Variants in DPP10 observed in about 807,000 individuals in gnomAD.
The protein encoded by DPP10 is dipeptidyl peptidase like 10, also known as inactive dipeptidyl peptidase 10.
Under a neutral mutation model 120.9 loss-of-function variants are expected in DPP10, and 33 were observed. The observed-to-expected ratio is 0.27, with a 90% CI of 0.21 to 0.37. The LOEUF is 0.37. Ranked by LOEUF, DPP10 falls within the 10% of genes least tolerant of loss-of-function variation. The pLI is 1.00. For synonymous variants in DPP10, 337 were observed against 326.1 expected (o/e 1.03, Z -0.36); for missense variants, 816 against 942.8 (o/e 0.87, Z 1.76).
intron 1 of DPP10, among the ~76,000 whole-genome samples, chr2:115,137,951 T>C (rs1252067396): frequency 1.3e-5 from 2 of 152,084 alleles, no homozygotes; most frequent in Admixed American, 6.5e-5. Context: ...GTCATCAGCA[T>C]AAAGACAGAG....
At chr2:114,832,946 A>C (rs1574296430) in intron 1 of DPP10, among the ~76,000 whole-genome samples, 1 of 152,214 alleles carries the variant, frequency 6.6e-6, no homozygotes. Context: ...ATATGTATGC[A>C]TGCATCTGTG....
chr2:114,796,591 A>G (rs1683739186), intron 1 of DPP10, among the ~76,000 whole-genome samples: 1 of 152,130 alleles, frequency 6.6e-6, no homozygotes, highest in African/African-American at 2.4e-5. Context: ...TTGTACTCAG[A>G]TTTTTGACTG....
At chr2:115,155,469 G>A (rs1039591543) in intron 1 of DPP10, among the ~76,000 whole-genome samples, 1 of 152,146 alleles carries the variant, frequency 6.6e-6, no homozygotes, top group Admixed American at 6.5e-5. Context: ...TATTAACTAA[G>A]ATTAAACACT....
intron 1 of DPP10, among the ~76,000 whole-genome samples, chr2:114,570,373 G>A (rs1442736682): frequency 6.6e-6 from 1 of 152,098 alleles, no homozygotes; most frequent in African/African-American, 2.4e-5. Context: ...CAATATCACC[G>A]TGGGGCCCCC....
intron 1 of DPP10, among the ~76,000 whole-genome samples, chr2:115,195,740 G>T (rs1337816280): frequency 1.3e-5 from 2 of 152,160 alleles, no homozygotes; most frequent in African/African-American, 4.8e-5. Flanking sequence ...AGCTGCCTCT[G>T]CCTTGGTTTT....
chr2:114,697,511 G>C (rs1313059851), intron 1 of DPP10, among the ~76,000 whole-genome samples: 1 of 151,968 alleles, frequency 6.6e-6, no homozygotes, highest in East Asian at 1.9e-4. Flanking sequence ...AGCACTTTGG[G>C]AGGCCGAGGA....
At chr2:115,594,881 G>T (rs2082895291) in intron 5 of DPP10, among the ~76,000 whole-genome samples, 1 of 151,972 alleles carries the variant, frequency 6.6e-6, no homozygotes, top group Admixed American at 6.6e-5. Context: ...AGACATATCA[G>T]AATTATAGAA....
chr2:114,800,209 A>T (rs1254345299), intron 1 of DPP10, among the ~76,000 whole-genome samples: 1 of 152,232 alleles, frequency 6.6e-6, no homozygotes, highest in African/African-American at 2.4e-5. Context: ...GTGAAAGGGA[A>T]ACATCCATAA....
chr2:115,782,461 T>C, intron 17 of DPP10, 62 bp downstream of exon 17: 1 of 1,463,282 alleles, frequency 6.8e-7, no homozygotes, highest in African/African-American at 1.4e-5. Context: ...GACATCGTGT[T>C]ATCTATTCTG....
At chr2:114,519,631 T>C (rs758260224) in intron 1 of DPP10, among the ~76,000 whole-genome samples, 2 of 152,222 alleles carry the variant, frequency 1.3e-5, no homozygotes, top group Admixed American at 6.5e-5. Flanking sequence ...TTGCATTCTA[T>C]AGGAAAATAG....
intron 5 of DPP10, among the ~76,000 whole-genome samples, chr2:115,644,553 T>C (rs1465436413): frequency 6.6e-6 from 1 of 152,004 alleles, no homozygotes; most frequent in Non-Finnish European, 1.5e-5. Flanking sequence ...GGAGGATTAC[T>C]TGAGGCTAGG....
In DPP10 at chr2:114,793,776, T is replaced by C. The variant is rs563135718; in HGVS notation, c.60+350938T>C. Among the ~76,000 whole-genome samples, 21 of 152,310 alleles carry C rather than the reference T, an allele frequency of 1.4e-4. 1 individual carries two copies. The South Asian group carries it at 4.1e-3, about 30-fold the overall frequency. On this transcript the variant is annotated intron_variant, in intron 1 of 25. Coordinates refer to ENST00000410059, the MANE Select transcript of DPP10 (RefSeq NM_020868.6). ...GCATGCGGAGACTTCCTCTATCCAT[T>C]TCTTATACCATGTTGACCCCCTCAT...
chr2:115,227,502 A>G lies in DPP10; in HGVS notation c.61-81737A>G, dbSNP rs372535323. The stretch of plus-strand genomic sequence containing the variant: ...TGAACAGTTCTGAGTTTTGGCAGCT[A>G]TATATATCTGCTGCCACTATTAGGA... On this transcript the variant is annotated intron_variant, in intron 1 of 25. Coordinates refer to ENST00000410059, the MANE Select transcript of DPP10 (RefSeq NM_020868.6). 1.2e-4 allele frequency among the ~76,000 whole-genome samples: 18 copies of G among 152,270 alleles called. No individual in the cohort carries two copies. The East Asian group carries it at 2.9e-3, about 24-fold the overall frequency.
intron 4 of DPP10, among the ~76,000 whole-genome samples, chr2:115,516,325 A>G (rs1490902569): frequency 2.0e-5 from 3 of 152,066 alleles, no homozygotes; most frequent in South Asian, 2.1e-4. Context: ...TCTTTCCCCA[A>G]CTAAGCAGAA....
chr2:114,988,034 G>A (rs569101208), intron 1 of DPP10, among the ~76,000 whole-genome samples: 10 of 152,016 alleles, frequency 6.6e-5, no homozygotes, highest in Non-Finnish European at 1.3e-4. Context: ...TCGATCTCCT[G>A]ACCTCGTGAT....
At chr2:114,701,595 G>T (rs1700386443) in intron 1 of DPP10, among the ~76,000 whole-genome samples, 2 of 152,098 alleles carry the variant, frequency 1.3e-5, no homozygotes, top group South Asian at 2.1e-4. Context: ...AACTACATTT[G>T]CCTAAAAAGT....
chr2:115,116,485 T>G (rs747192975), intron 1 of DPP10, among the ~76,000 whole-genome samples: 1 of 152,224 alleles, frequency 6.6e-6, no homozygotes, highest in African/African-American at 2.4e-5. Context: ...AGGTCTGCCA[T>G]GATCCTAATC....
chr2:115,565,419 C>G (rs553791135), intron 5 of DPP10, among the ~76,000 whole-genome samples: 1 of 152,016 alleles, frequency 6.6e-6, no homozygotes, highest in Non-Finnish European at 1.5e-5. Flanking sequence ...GTTTATTTAT[C>G]AATGGCATTC....
At chr2:115,217,597 C>T (rs2056906945) in intron 1 of DPP10, among the ~76,000 whole-genome samples, 1 of 152,096 alleles carries the variant, frequency 6.6e-6, no homozygotes, top group South Asian at 2.1e-4. Context: ...TTACAAAATG[C>T]CACCAGTGGG....
Sources: allele counts gnomAD v4.1 joint callset (sites outside exome capture counted in the v4.1 genomes callset), GRCh38; gene constraint gnomAD v4.1.1; transcripts MANE v1.5; gene names NCBI Gene and HGNC (gene_info 2026-07-23, HGNC 2026-07-21).